The following DMGDH variants were observed in gnomAD, a reference collection of about 807,000 sequenced individuals.
DMGDH encodes dimethylglycine dehydrogenase, also known as dimethylglycine dehydrogenase, mitochondrial.
A neutral mutation model predicts 95.2 loss-of-function variants in DMGDH; 76 were observed. The ratio of observed to expected loss-of-function variants is 0.80; its 90% CI spans 0.66 to 0.97. DMGDH has a LOEUF of 0.97. Among genes scored for constraint, DMGDH ranks in the 50% least tolerant of loss-of-function variants. DMGDH has a pLI of 0.00. For missense variants in DMGDH, 987 were observed against 1,055.0 expected (o/e 0.94, Z 0.89); for synonymous variants, 345 against 377.6 (o/e 0.91, Z 1.00).
chr5:79,050,270 AAAAATATATATATATAT>A (rs1213964178), intron 5 of DMGDH, among the ~76,000 whole-genome samples: 3,701 of 29,886 alleles, frequency 0.12, 25 homozygotes, highest in Non-Finnish European at 0.19. Flanking sequence ...AAAAAAAAAA[AAAAATATATATATATAT>A]ATATATATAT....
chr5:79,056,368 C>T (rs1344939867), intron 2 of DMGDH, among the ~76,000 whole-genome samples: 1 of 151,164 alleles, frequency 6.6e-6, no homozygotes, highest in African/African-American at 2.4e-5. Context: ...AATGGTGAAA[C>T]CCCGTCTCTA....
intron 14 of DMGDH, among the ~76,000 whole-genome samples, chr5:79,023,954 C>A (rs781755460): frequency 6.6e-6 from 1 of 152,126 alleles, no homozygotes; most frequent in Non-Finnish European, 1.5e-5. Flanking sequence ...CACAACATGG[C>A]GCACTTCCAA....
intron 15 of DMGDH, chr5:79,000,395 T>G (rs1753433653): frequency 1.6e-6 from 1 of 638,482 alleles, no homozygotes; most frequent in Non-Finnish European, 3.0e-6. Flanking sequence ...TGGGTGGTAC[T>G]AGCTATTTTC....
chr5:79,042,374 C>T lies in DMGDH; in HGVS notation c.1102G>A (p.Val368Ile). The change falls in exon 7 of 16, where the codon GTC becomes ATC. Residue 368 changes from valine to isoleucine, a missense_variant. Coordinates refer to ENST00000255189, the MANE Select transcript of DMGDH (RefSeq NM_013391.3). ...GGAGAATACGTGATAGGACCATTGA[C>T]AACATTGATGATGTCAGCCTTTTTC... ...VLKKADIINV[V>I]NGPITYSPDI... is the part of the protein sequence containing the mutation. 1 of 1,614,218 alleles carries T rather than the reference C, an allele frequency of 6.2e-7. No individual in the cohort carries two copies. Among genetic ancestry groups the T allele is most frequent in the Non-Finnish European group, 8.5e-7 (1 of 1,180,030 alleles).
chr5:79,035,534 A>G (rs994152977), intron 7 of DMGDH, among the ~76,000 whole-genome samples: 4 of 152,176 alleles, frequency 2.6e-5, no homozygotes, highest in African/African-American at 7.2e-5. Context: ...GGACTTTCCT[A>G]TCTTCAGTAG....
chr5:79,061,220 AACACACACACACACACACACAC>A (rs34931005), intron 2 of DMGDH, among the ~76,000 whole-genome samples: 3,543 of 141,726 alleles, frequency 0.025, 153 homozygotes, highest in African/African-American at 0.092. Flanking sequence ...CTCTGTCTCA[AACACACACACACACACACACAC>A]ACACACACAC....
intron 14 of DMGDH, among the ~76,000 whole-genome samples, chr5:79,013,078 T>C (rs1481516578): frequency 6.6e-6 from 1 of 152,174 alleles, no homozygotes; most frequent in Non-Finnish European, 1.5e-5. Context: ...TTTCCAAACT[T>C]TTACACTCTG....
At chr5:79,039,115 A>G (rs1085391) in intron 7 of DMGDH, among the ~76,000 whole-genome samples, 84,957 of 139,818 alleles carry the variant, frequency 0.61, 25,773 homozygotes, top group East Asian at 0.77. Context: ...TGGTGGGACT[A>G]TAAACTAGTT....
intron 1 of DMGDH, among the ~76,000 whole-genome samples, chr5:79,064,671 T>C (rs1178816413): frequency 2.6e-5 from 4 of 152,152 alleles, no homozygotes; most frequent in Non-Finnish European, 4.4e-5. Flanking sequence ...TCTACAGCTA[T>C]ATAGAAATAT....
At chr5:79,060,246 A>C (rs16876451) in intron 2 of DMGDH, among the ~76,000 whole-genome samples, 10,863 of 152,246 alleles carry the variant, frequency 0.071, 866 homozygotes, top group African/African-American at 0.18. Flanking sequence ...CTCAGCTCTC[A>C]AAACATCTAC....
chr5:79,001,079 C>G, intron 15 of DMGDH: 1 of 651,164 alleles, frequency 1.5e-6, no homozygotes, highest in Non-Finnish European at 2.8e-6. Flanking sequence ...CTTCAATTTC[C>G]TCATCCTGCC....
Position 78,998,182 on chromosome 5 carries a change from A to G in DMGDH, c.2501T>C (p.Leu834Ser). The G allele has an allele frequency of 1.2e-6, 2 of 1,614,206 alleles. No individual in the cohort carries two copies. The highest frequency in any genetic ancestry group is 1.7e-6 in the Non-Finnish European group (2 of 1,180,040). ...EVGQQVEVEL[L>S]GKNYPAVIIQ... ...GATGACTGCTGGGTAATTTTTGCCT[A>G]ATAGTTCAACTTCCACTTGCTGTCC... Residue 834 changes from leucine to serine, a missense_variant, in exon 16 of 16, where the codon TTA becomes TCA. Transcript: ENST00000255189.
chr5:79,058,851 T>C (rs1755109404), intron 2 of DMGDH, among the ~76,000 whole-genome samples: 2 of 152,336 alleles, frequency 1.3e-5, no homozygotes, highest in Middle Eastern at 3.4e-3. Context: ...TGCTAAATAA[T>C]GGATAGCATA....
chr5:79,053,215 T>C (rs1278760396), intron 4 of DMGDH, among the ~76,000 whole-genome samples: 1 of 152,186 alleles, frequency 6.6e-6, no homozygotes, highest in Non-Finnish European at 1.5e-5. Flanking sequence ...TGCAGTAGTG[T>C]AATCATAGCT....
chr5:79,052,724 T>A (rs1257332285), intron 4 of DMGDH, among the ~76,000 whole-genome samples: 1 of 152,192 alleles, frequency 6.6e-6, no homozygotes, highest in Non-Finnish European at 1.5e-5. Flanking sequence ...AGGATTGACA[T>A]ATAAACAAAT....
Position 79,034,285 on chromosome 5 carries a change from G to A in DMGDH, c.1194-877C>T, listed in dbSNP as rs111716336. The stretch of plus-strand genomic sequence containing the variant: ...AAGAGGCCCTCACCTGAGGACTTGT[G>A]GAAAGAGGTAGAAAGGAACACTGTC... On this transcript the variant is annotated intron_variant, in intron 7 of 15. Coordinates refer to ENST00000255189, the MANE Select transcript of DMGDH (RefSeq NM_013391.3). Among the ~76,000 whole-genome samples the A allele has an allele frequency of 4.2e-3, 645 of 152,310 alleles. 6 individuals carry two copies. Among genetic ancestry groups the A allele is most frequent in the African/African-American group, 0.015 (610 of 41,574 alleles).
chr5:79,056,003 G>A, intron 2 of DMGDH, 95 bp from the exon 3 acceptor site: 1 of 839,230 alleles, frequency 1.2e-6, no homozygotes, highest in South Asian at 1.5e-5. Flanking sequence ...ATGCTGGAAA[G>A]AAACTGAGAA....
intron 7 of DMGDH, 147 bp downstream of exon 7, chr5:79,042,136 G>A: frequency 1.3e-6 from 1 of 764,252 alleles, no homozygotes; most frequent in African/African-American, 1.7e-5. Flanking sequence ...GTCATGAAAG[G>A]GAGAAAACTC....
rs562382857 is a variant in DMGDH, at chr5:79,003,947, A to AAAATAAATAAATAAATAAATAAATAAAT, written c.2385+1325_2385+1326insATTTATTTATTTATTTATTTATTTATTT. Among the ~76,000 whole-genome samples, 242 of 151,012 alleles carry AAAATAAATAAATAAATAAATAAATAAAT rather than the reference A, an allele frequency of 1.6e-3. 1 individual carries two copies. Among genetic ancestry groups the AAAATAAATAAATAAATAAATAAATAAAT allele is most frequent in the African/African-American group, 5.6e-3 (230 of 40,906 alleles). On this transcript the variant is annotated intron_variant, in intron 15 of 15. Transcript: ENST00000255189. ...GGGCAACAGAGTAAGGCTCTGTCTC[A>AAAATAAATAAATAAATAAATAAATAAAT]AAATAAATAAATAAATAAATAAAAA...
Sources: gnomAD v4.1 joint callset for allele counts (sites outside exome capture counted in the v4.1 genomes callset) on GRCh38, gnomAD v4.1.1 for gene constraint, MANE v1.5 for transcripts, NCBI Gene and HGNC (gene_info 2026-07-23, HGNC 2026-07-21) for gene names.